MORC2: variants seen among roughly 807,000 people sequenced by gnomAD.
MORC2 encodes MORC family CW-type zinc finger 2.
Under a neutral mutation model 136.0 loss-of-function variants are expected in MORC2, and 30 were observed. The observed-to-expected ratio is 0.22, with a 90% confidence interval of 0.17 to 0.30. The LOEUF is 0.30. Among genes scored for constraint, MORC2 ranks in the 10% least tolerant of loss-of-function variants. MORC2 has a pLI of 1.00. For missense variants in MORC2, 922 were observed against 1,333.1 expected, an observed-to-expected ratio of 0.69 and a Z score of 4.80; for synonymous variants, 439 against 487.0, an observed-to-expected ratio of 0.90 and a Z score of 1.30.
rs1395102532 is a variant in MORC2 at position 30,932,981 on chromosome 22, G to A, written c.2430C>T (p.Gly810=). Residue 810 remains glycine, a synonymous_variant, in exon 22 of 26, where the codon GGC becomes GGT. Transcript: ENST00000397641. This position sits in a 1 kb window ranked among gnomAD's most constrained non-coding sequence, Gnocchi z 4.4. ...EVRVNREWYT[G]RVTAVEVGKH... is the part of the protein sequence containing the mutation. Reference sequence around the variant, plus strand: ...TGCCCACCTCCACGGCTGTGACACGGCCCGTGTACCACTCCCTGTTCACAC... The same window carrying A: ...TGCCCACCTCCACGGCTGTGACACGACCCGTGTACCACTCCCTGTTCACAC... 6.2e-7 allele frequency: 1 copy of A among 1,614,116 alleles called. No homozygotes were observed. The highest frequency in any genetic ancestry group is 1.6e-4 in the Middle Eastern group (1 of 6,062).
Position 30,926,782 on chromosome 22 carries a change from G to C in MORC2, c.*21C>G. 6.2e-7 allele frequency: 1 copy of C among 1,608,706 alleles called. No individual in the cohort carries two copies. Among genetic ancestry groups the C allele is most frequent in the Non-Finnish European group, 8.5e-7 (1 of 1,176,308 alleles). Reference sequence around the variant, plus strand: ...AGGGTTGAGGGGCAGGTGGGCAGGGGAGCTGCTCTCTCTCCTGCCTTCAGT... The same window carrying C: ...AGGGTTGAGGGGCAGGTGGGCAGGGCAGCTGCTCTCTCTCCTGCCTTCAGT... On this transcript the variant is annotated 3_prime_UTR_variant, in exon 26 of 26. Coordinates refer to ENST00000397641, the MANE Select transcript of MORC2 (RefSeq NM_001303256.3).
chr22:30,941,501 C>T lies in MORC2; in HGVS notation c.756G>A (p.Arg252=). ...TGTGCCCATGGATGAAGATCCTCAT[C>T]CGGGGATCAATATAGAGCACAGCGG... The part of the protein sequence containing the change: ...AYAAVLYIDP[R]MRIFIHGHKV... The change falls in exon 9 of 26, where the codon CGG becomes CGA. Residue 252 remains arginine, a synonymous_variant. Transcript: ENST00000397641. This position sits in a 1 kb window ranked among gnomAD's most constrained non-coding sequence, Gnocchi z 4.6. 3 of 1,614,098 alleles carry T rather than the reference C, an allele frequency of 1.9e-6. No homozygotes were observed. Among genetic ancestry groups the T allele is most frequent in the Non-Finnish European group, 2.5e-6 (3 of 1,180,008 alleles).
At chr22:30,947,617 C>A (rs1485535670) in intron 5 of MORC2, among the ~76,000 whole-genome samples, 2 of 152,124 alleles carry the variant, frequency 1.3e-5, no homozygotes, top group African/African-American at 4.8e-5. Context: ...TCAAAGATAC[C>A]CTGGGGGCTG....
At chr22:30,952,217 G>C (rs2040898914) in intron 3 of MORC2, among the ~76,000 whole-genome samples, 1 of 152,190 alleles carries the variant, frequency 6.6e-6, no homozygotes, top group Non-Finnish European at 1.5e-5. Flanking sequence ...AACTGGGTCA[G>C]GTACAGAGAA....
rs563612262 is a variant in MORC2, at chr22:30,934,950, C to T, written c.2024G>A (p.Arg675Gln). 22 of 1,614,032 alleles carry T rather than the reference C, an allele frequency of 1.4e-5. No homozygotes were observed. The highest frequency in any genetic ancestry group is 1.6e-4 in the Middle Eastern group (1 of 6,062). Residue 675 changes from arginine (R) to glutamine (Q), a missense_variant, in exon 19 of 26, where the codon CGA becomes CAA. By Grantham distance (43) the Arg-to-Gln change is conservative. Transcript: ENST00000397641. This position sits in a 1 kb window ranked among gnomAD's most constrained non-coding sequence, Gnocchi z 4.4. ...CTTGACGAGAGTGTTGGCAGGCTTT[C>T]GGGGTGCCTCAGGTGGCTGGAGCAG... Reference protein sequence around the residue: ...SRLLQPPEAPRKPANTLVKTA... With the variant: ...SRLLQPPEAPQKPANTLVKTA...
Position 30,934,927 on chromosome 22 carries a change from TGAC to T in MORC2, c.2044_2046del (p.Val682del). The T allele has an allele frequency of 6.2e-7, 1 of 1,614,042 alleles. No homozygotes were observed. Among genetic ancestry groups the T allele is most frequent in the Non-Finnish European group, 8.5e-7 (1 of 1,180,004 alleles). On this transcript the variant is annotated inframe_deletion, in exon 19 of 26. Coordinates refer to ENST00000397641, the MANE Select transcript of MORC2 (RefSeq NM_001303256.3). This position sits in a 1 kb window ranked among gnomAD's most constrained non-coding sequence, Gnocchi z 4.4. The stretch of plus-strand genomic sequence containing the variant: ...AGAGGGGCAGGTCGGGATGCAGTCT[TGAC>T]GAGAGTGTTGGCAGGCTTTCGGGGT...
intron 11 of MORC2, 56 bp downstream of exon 11, chr22:30,939,903 C>T: frequency 6.4e-7 from 1 of 1,561,140 alleles, no homozygotes; most frequent in South Asian, 1.1e-5. Context: ...GCTCATGGGA[C>T]ATGGGCTCCT....
At chr22:30,956,006 CAAAA>C (rs576674402) in intron 3 of MORC2, among the ~76,000 whole-genome samples, 1 of 51,562 alleles carries the variant, frequency 1.9e-5, no homozygotes, top group South Asian at 6.8e-4. Context: ...GACTCCATCT[CAAAA>C]AAAAAAAAAA....
Position 30,932,538 on chromosome 22 carries a change from C to T in MORC2, c.2747+7G>A, listed in dbSNP as rs2040590273. The T allele has an allele frequency of 1.2e-6, 2 of 1,613,842 alleles. No homozygotes were observed. Among genetic ancestry groups the T allele is most frequent in the African/African-American group, 1.3e-5 (1 of 74,906 alleles). Reference sequence around the variant, plus strand: ...CCCTGGGGTGGGAAGACAAAAGACACATGTACCGGAGGATCTGGACAAGCA... The same window carrying T: ...CCCTGGGGTGGGAAGACAAAAGACATATGTACCGGAGGATCTGGACAAGCA... On this transcript the variant is annotated splice_region_variant and intron_variant, in intron 23 of 25. Transcript: ENST00000397641. This position sits in a 1 kb window ranked among gnomAD's most constrained non-coding sequence, Gnocchi z 4.4.
chr22:30,926,613 C>A lies in MORC2; in HGVS notation c.*190G>T. On this transcript the variant is annotated 3_prime_UTR_variant, in exon 26 of 26. Transcript: ENST00000397641. ...TATGGTCTCACAGGCACAGCATCTT[C>A]TTTTAAAAAATAAATATTTATAAAC... The A allele has an allele frequency of 7.9e-6, 1 of 127,340 alleles. No individual in the cohort carries two copies. The highest frequency in any genetic ancestry group is 1.5e-5 in the Non-Finnish European group (1 of 65,506). 7.9% of individuals were successfully genotyped at this position (127,340 alleles called of 1,614,324 possible). A position where few individuals can be genotyped will look rare whatever the true frequency, so the allele number is the denominator to read the frequency against.
intron 10 of MORC2, 85 bp downstream of exon 10, chr22:30,940,673 G>T: frequency 8.3e-7 from 1 of 1,212,072 alleles, no homozygotes; most frequent in Non-Finnish European, 1.2e-6. Flanking sequence ...TGTGGACTCA[G>T]CCTTTTCCTG....
At chr22:30,950,353 C>CCCCAAAAAA in intron 4 of MORC2, 24 bp downstream of exon 4, 1 of 1,481,954 alleles carries the variant, frequency 6.7e-7, no homozygotes, top group Non-Finnish European at 9.4e-7. Context: ...CCCCACCCCC[C>CCCCAAAAAA]AAAACAATAA....
At chr22:30,966,249 T>TA (rs1361479707) in intron 1 of MORC2, among the ~76,000 whole-genome samples, 1 of 152,200 alleles carries the variant, frequency 6.6e-6, no homozygotes, top group African/African-American at 2.4e-5. Context: ...ATTCCAGACT[T>TA]ACCATCATTC....
At chr22:30,939,516 T>TA in intron 12 of MORC2, 105 bp downstream of exon 12, 2 of 1,089,240 alleles carry the variant, frequency 1.8e-6, no homozygotes, top group Non-Finnish European at 2.6e-6. Context: ...TGACAAGCAT[T>TA]TGGCATTAAA....
rs1420743840 is a variant in MORC2 at position 30,968,619 on chromosome 22, T to C, written c.-730A>G. Among the ~76,000 whole-genome samples the C allele has an allele frequency of 2.0e-5, 3 of 151,838 alleles. No individual in the cohort carries two copies. Among genetic ancestry groups the C allele is most frequent in the African/African-American group, 7.3e-5 (3 of 41,322 alleles). The stretch of plus-strand genomic sequence containing the variant: ...GGGCAGGCCGCGCCCCGCCCCCACG[T>C]CCCTCAGACAACAGCCTCAGCCTCC... On this transcript the variant is annotated 5_prime_UTR_variant, in exon 1 of 26. Coordinates refer to ENST00000397641, the MANE Select transcript of MORC2 (RefSeq NM_001303256.3).
At position 30,937,838 on chromosome 22, in the gene MORC2, T is replaced by C. The variant is rs2040678442; in HGVS notation, c.1346A>G (p.Gln449Arg). The stretch of plus-strand genomic sequence containing the variant: ...ACCGATGGCAATATCCTTCCAATAC[T>C]GCGCCAGGTGCTCCCCCATTGCTCG... Reference protein sequence around the residue: ...LLRAMGEHLAQYWKDIAIAQR... With the variant: ...LLRAMGEHLARYWKDIAIAQR... Residue 449 changes from glutamine to arginine, a missense_variant, in exon 14 of 26, where the codon CAG (glutamine) becomes CGG (arginine). Coordinates refer to ENST00000397641, the MANE Select transcript of MORC2 (RefSeq NM_001303256.3). The surrounding 1 kb of genome is among the most constrained non-coding windows in gnomAD (Gnocchi z 4.7). The C allele has an allele frequency of 6.2e-7, 1 of 1,614,148 alleles. No individual in the cohort carries two copies. Among genetic ancestry groups the C allele is most frequent in the African/African-American group, 1.3e-5 (1 of 75,034 alleles).
At chr22:30,950,339 A>AAACCCCCCC in intron 4 of MORC2, 38 bp downstream of exon 4, 2 of 539,972 alleles carry the variant, frequency 3.7e-6, no homozygotes, top group Non-Finnish European at 3.5e-6. Context: ...GTTACATCGC[A>AAACCCCCCC]CCCCCCCACC....
intron 6 of MORC2, among the ~76,000 whole-genome samples, chr22:30,943,030 A>C (rs1231330479): frequency 6.6e-6 from 1 of 151,968 alleles, no homozygotes; most frequent in Non-Finnish European, 1.5e-5. Flanking sequence ...AATAAAAATA[A>C]CCCAAATATC....
chr22:30,936,467 C>A lies in MORC2; in HGVS notation c.1737+44G>T, dbSNP rs753633741. The A allele has an allele frequency of 2.3e-5, 37 of 1,609,564 alleles. No individual in the cohort carries two copies. The East Asian group carries it at 4.9e-4, about 21-fold the overall frequency. ...CTGAAGGTTCCTGTCACAGGCAGAG[C>A]CCTGACACAGGCTGGCTTTGCCCAC... On this transcript the variant is annotated intron_variant, in intron 17 of 25. Transcript: ENST00000397641.
Sources: gnomAD v4.1 joint callset for allele counts (sites outside exome capture counted in the v4.1 genomes callset) on GRCh38, gnomAD v4.1.1 for gene constraint, Gnocchi (gnomAD v3.1) non-coding constraint, MANE v1.5 for transcripts, NCBI Gene and HGNC (gene_info 2026-07-23, HGNC 2026-07-21) for gene names.